Variants in TRIML1 observed in about 807,000 individuals in gnomAD.
The protein encoded by TRIML1 is probable E3 ubiquitin-protein ligase TRIML1.
In TRIML1, 34 loss-of-function variants were observed where a neutral mutation model predicts 32.3. That is an observed-to-expected ratio of 1.05 (90% CI 0.80 to 1.40). The LOEUF is 1.40. TRIML1 is among the 40% of genes most tolerant of loss of function. The pLI is 0.00. For missense variants in TRIML1, 595 were observed against 574.9 expected (o/e 1.03, Z -0.36); for synonymous variants, 244 against 226.6 (o/e 1.08, Z -0.69).
At chr4:188,148,783 G>T (rs953694410), downstream of TRIML1, among the ~76,000 whole-genome samples, 3 of 150,618 alleles carry the variant, frequency 2.0e-5, no homozygotes, top group African/African-American at 7.3e-5. Context: ...TTATGTTTTT[G>T]TAGAAACAGG....
chr4:188,142,208 G>GTGTT, intron 2 of TRIML1, 44 bp from the exon 3 acceptor site: 1 of 42,692 alleles, frequency 2.3e-5, no homozygotes, highest in Non-Finnish European at 3.7e-5. Flanking sequence ...ACTTTATCTC[G>GTGTT]TGTGTGTGTG....
chr4:188,142,182 G>T, intron 2 of TRIML1, 70 bp from the exon 3 acceptor site: 1 of 1,107,910 alleles, frequency 9.0e-7, no homozygotes, highest in East Asian at 2.4e-5. Flanking sequence ...TACAGACAAG[G>T]GCATTTCTCT....
chr4:188,148,665 C>T (rs999517181), downstream of TRIML1, among the ~76,000 whole-genome samples: 1 of 151,652 alleles, frequency 6.6e-6, no homozygotes, highest in African/African-American at 2.4e-5. Context: ...TGCAATGGAG[C>T]GATCGCAGCT....
At chr4:188,146,687 GCGAGCCATCA>G (rs1468956518) in intron 5 of TRIML1, 125 bp from the exon 6 acceptor site, 33 of 636,630 alleles carry the variant, frequency 5.2e-5, no homozygotes, top group Non-Finnish European at 7.5e-5. Flanking sequence ...CATTACAGGC[GCGAGCCATCA>G]CGCCCGGCCC....
intron 1 of TRIML1, among the ~76,000 whole-genome samples, 168 bp downstream of exon 1, chr4:188,140,134 G>T (rs12643199): frequency 0.68 from 86,867 of 128,088 alleles, 25,746 homozygotes; most frequent in Non-Finnish European, 0.7. Context: ...CCCTTTTTTT[G>T]TTTTTGAGAC....
chr4:188,148,733 G>A (rs1735172983), downstream of TRIML1, among the ~76,000 whole-genome samples: 1 of 151,462 alleles, frequency 6.6e-6, no homozygotes, highest in Non-Finnish European at 1.5e-5. Flanking sequence ...TTCCCAAGTA[G>A]CTGGGATTAC....
rs1734783345 is a variant in TRIML1, at chr4:188,139,861, T to A, written c.303T>A (p.Thr101=). The A allele has an allele frequency of 3.1e-6, 5 of 1,613,696 alleles. No homozygotes were observed. Among genetic ancestry groups the A allele is most frequent in the African/African-American group, 1.3e-5 (1 of 74,904 alleles). Residue 101 remains threonine, a synonymous_variant, in exon 1 of 6, where the codon ACT becomes ACA. Coordinates refer to ENST00000332517, the MANE Select transcript of TRIML1 (RefSeq NM_178556.5). ...GCAGCTACGGGAGGATGCCCACCAC[T>A]GCCAAGGCGCTCTCCGATGACGAGC... ...EQGSYGRMPT[T]AKALSDDEQG...
intron 2 of TRIML1, 137 bp from the exon 3 acceptor site, chr4:188,142,115 C>CAAAAA: frequency 2.1e-6 from 1 of 469,766 alleles, no homozygotes; most frequent in African/African-American, 2.9e-5. Context: ...GACTCCATCT[C>CAAAAA]AAAAAAAAAA....
chr4:188,144,287 G>T (rs11940227), intron 5 of TRIML1, among the ~76,000 whole-genome samples, 154 bp downstream of exon 5: 94,583 of 151,674 alleles, frequency 0.62, 31,921 homozygotes, highest in Non-Finnish European at 0.77. Context: ...GCCACAGACC[G>T]TCTCTGAGCG....
chr4:188,139,397 A>G, upstream of TRIML1: 1 of 679,046 alleles, frequency 1.5e-6, no homozygotes, highest in Non-Finnish European at 2.4e-6. Context: ...TGGACAGTGT[A>G]TGTCAGCTGG....
chr4:188,146,513 A>T (rs1048944245), intron 5 of TRIML1, among the ~76,000 whole-genome samples: 3 of 152,160 alleles, frequency 2.0e-5, no homozygotes, highest in African/African-American at 7.2e-5. Context: ...GGGTTCAAGC[A>T]ATTCTCGTGC....
downstream of TRIML1, among the ~76,000 whole-genome samples, chr4:188,149,522 G>A (rs1454714275): frequency 6.6e-6 from 1 of 152,096 alleles, no homozygotes; most frequent in Non-Finnish European, 1.5e-5. Flanking sequence ...TTTACTGTAG[G>A]GTGCGCTTAT....
At chr4:188,137,892 T>A (rs1734709299), upstream of TRIML1, among the ~76,000 whole-genome samples, 2 of 150,410 alleles carry the variant, frequency 1.3e-5, no homozygotes, top group African/African-American at 4.9e-5. Context: ...GGATTACAGA[T>A]GTGAGCAACC....
downstream of TRIML1, among the ~76,000 whole-genome samples, chr4:188,149,173 C>A (rs1456606693): frequency 6.6e-6 from 1 of 152,016 alleles, no homozygotes; most frequent in Non-Finnish European, 1.5e-5. Context: ...CCCGCCTCCA[C>A]CTCCCAAAGT....
chr4:188,147,557 C>A lies in TRIML1; in HGVS notation c.*185C>A. On this transcript the variant is annotated 3_prime_UTR_variant, in exon 6 of 6. Transcript: ENST00000332517. ...AACAGCCACATTACACAATCAACTT[C>A]AACCCCAATAGAAGAGAGCTGATCA... The A allele has an allele frequency of 2.3e-6, 1 of 425,924 alleles. No individual in the cohort carries two copies. Among genetic ancestry groups the A allele is most frequent in the Non-Finnish European group, 4.0e-6 (1 of 247,588 alleles). The allele number at this position is 425,924 out of a possible 1,614,324, so 26.4% of individuals were successfully genotyped here. A position where few individuals can be genotyped will look rare whatever the true frequency, so the allele number is the denominator to read the frequency against.
chr4:188,143,752 G>A, intron 3 of TRIML1, 86 bp from the exon 4 acceptor site: 1 of 1,522,500 alleles, frequency 6.6e-7, no homozygotes, highest in Non-Finnish European at 9.1e-7. Context: ...GATTCTGTGA[G>A]CTTTGCAAGG....
chr4:188,138,264 C>T (rs1227517305), upstream of TRIML1, among the ~76,000 whole-genome samples: 1 of 152,064 alleles, frequency 6.6e-6, no homozygotes, highest in Non-Finnish European at 1.5e-5. Flanking sequence ...AAGAAAACAT[C>T]CAACATCCTG....
chr4:188,145,952 C>G (rs986291961), intron 5 of TRIML1, among the ~76,000 whole-genome samples: 2 of 152,128 alleles, frequency 1.3e-5, no homozygotes, highest in African/African-American at 4.8e-5. Flanking sequence ...ATGAAAAAGG[C>G]TGATTAGGGA....
intron 5 of TRIML1, among the ~76,000 whole-genome samples, chr4:188,144,515 A>G (rs1454312690): frequency 7.2e-6 from 1 of 139,708 alleles, no homozygotes; most frequent in Non-Finnish European, 1.6e-5. Context: ...GGCGCCCGCC[A>G]CCACGCCTGG....
Sources: gnomAD v4.1 joint callset for allele counts (sites outside exome capture counted in the v4.1 genomes callset) on GRCh38, gnomAD v4.1.1 for gene constraint, MANE v1.5 for transcripts, NCBI Gene and HGNC (gene_info 2026-07-23, HGNC 2026-07-21) for gene names.